TCF4: variants seen among roughly 807,000 people sequenced by gnomAD.
The protein encoded by TCF4 is SL3-3 enhancer factor 2.
Under a neutral mutation model 82.1 loss-of-function variants are expected in TCF4, and 3 were observed. That is an observed-to-expected ratio of 0.04 (90% CI 0.02 to 0.09). The LOEUF (loss-of-function observed/expected upper bound fraction) is 0.09. Ranked by LOEUF, TCF4 falls within the 10% of genes least tolerant of loss-of-function variation. TCF4 has a pLI of 1.00. For missense variants in TCF4, 518 were observed against 852.7 expected (o/e 0.61, Z 4.89); for synonymous variants, 276 against 309.6 (o/e 0.89, Z 1.14).
chr18:55,599,284 C>T (rs2097694226), intron 2 of TCF4, among the ~76,000 whole-genome samples: 1 of 152,214 alleles, frequency 6.6e-6, no homozygotes, highest in Non-Finnish European at 1.5e-5. Flanking sequence ...TGCAGTTTCC[C>T]TGTGCAGGTT....
At chr18:55,437,526 GGT>G (rs1483563919) in intron 5 of TCF4, among the ~76,000 whole-genome samples, 1 of 152,112 alleles carries the variant, frequency 6.6e-6, no homozygotes, top group Admixed American at 6.5e-5. Context: ...GTGCTAAGTA[GGT>G]GATGATTCAC....
intron 3 of TCF4, among the ~76,000 whole-genome samples, chr18:55,579,381 T>G (rs1015039054): frequency 6.6e-6 from 1 of 151,800 alleles, no homozygotes; most frequent in African/African-American, 2.4e-5. Context: ...TATTTTACAT[T>G]TTCTAATACT....
intron 5 of TCF4, among the ~76,000 whole-genome samples, chr18:55,420,448 A>G (rs1377785399): frequency 3.9e-5 from 6 of 152,190 alleles, no homozygotes; most frequent in African/African-American, 1.4e-4. Flanking sequence ...TTTTGGAAAT[A>G]ATGGGATTCC....
chr18:55,296,318 G>A (rs1386348816), intron 8 of TCF4, among the ~76,000 whole-genome samples: 1 of 152,142 alleles, frequency 6.6e-6, no homozygotes, highest in East Asian at 1.9e-4. Context: ...TAAATTCCCT[G>A]TGTTCTGCTC....
intron 3 of TCF4, among the ~76,000 whole-genome samples, chr18:55,514,143 C>G (rs1403281559): frequency 6.6e-6 from 1 of 152,150 alleles, no homozygotes; most frequent in Non-Finnish European, 1.5e-5. Flanking sequence ...TATCTTCCAT[C>G]TCTTCTCAGA....
At chr18:55,284,361 G>A (rs1407891579) in intron 8 of TCF4, 8 of 151,692 alleles carry the variant, frequency 5.3e-5, no homozygotes, top group Non-Finnish European at 1.0e-4. Flanking sequence ...GCAGTGAGCC[G>A]AGATCGTGCC....
In TCF4 at chr18:55,370,148, G is replaced by A. The variant is rs185234025; in HGVS notation, c.370-19145C>T. On this transcript the variant is annotated intron_variant, in intron 6 of 19. Coordinates refer to ENST00000354452, the MANE Select transcript of TCF4 (RefSeq NM_001083962.2). ...CGCAATGGCTCATGCCTGTAATCCC[G>A]GCACTTTGCGGGGCTGAGGCAGGAG... Among the ~76,000 whole-genome samples the A allele has an allele frequency of 7.9e-5, 12 of 152,270 alleles. No homozygotes were observed. In the East Asian group the frequency reaches 2.1e-3, roughly 27 times the overall value.
At chr18:55,552,258 A>G (rs2097266539) in intron 3 of TCF4, among the ~76,000 whole-genome samples, 1 of 152,220 alleles carries the variant, frequency 6.6e-6, no homozygotes, top group Admixed American at 6.5e-5. Flanking sequence ...TGGCTGAAAT[A>G]GAACTAAATT....
At chr18:55,549,853 C>T (rs1568374843) in intron 3 of TCF4, among the ~76,000 whole-genome samples, 2 of 152,162 alleles carry the variant, frequency 1.3e-5, no homozygotes, top group African/African-American at 4.8e-5. Context: ...CACCACTGAC[C>T]GAAACGCCAT....
intron 14 of TCF4, among the ~76,000 whole-genome samples, chr18:55,256,060 G>A (rs1015231253): frequency 7.2e-5 from 11 of 152,166 alleles, no homozygotes; most frequent in African/African-American, 2.7e-4. Flanking sequence ...ACCTCTTGGA[G>A]TGCATGCTTT....
chr18:55,367,567 T>G (rs2087559717), intron 6 of TCF4, among the ~76,000 whole-genome samples: 1 of 152,218 alleles, frequency 6.6e-6, no homozygotes, highest in Admixed American at 6.5e-5. Flanking sequence ...ATAAGGTAAT[T>G]TCTTCCATAA....
At chr18:55,368,599 C>T (rs2087953024) in intron 6 of TCF4, among the ~76,000 whole-genome samples, 1 of 152,176 alleles carries the variant, frequency 6.6e-6, no homozygotes, top group South Asian at 2.1e-4. Context: ...ATGGGTTAGA[C>T]AAGCTTGCCC....
chr18:55,248,061 T>C (rs2053854758), intron 15 of TCF4, among the ~76,000 whole-genome samples: 1 of 152,148 alleles, frequency 6.6e-6, no homozygotes, highest in African/African-American at 2.4e-5. Flanking sequence ...TGAGAGTCCA[T>C]GGGAATAACT....
chr18:55,510,430 C>T, intron 3 of TCF4: 3 of 483,660 alleles, frequency 6.2e-6, no homozygotes, highest in Non-Finnish European at 1.0e-5. Context: ...AAACCAAAAT[C>T]CTGAACCATG....
chr18:55,559,441 A>G (rs188293874), intron 3 of TCF4, among the ~76,000 whole-genome samples: 2 of 152,290 alleles, frequency 1.3e-5, no homozygotes, highest in Admixed American at 1.3e-4. Flanking sequence ...AAACCGAATC[A>G]TGATAATGTT....
intron 2 of TCF4, among the ~76,000 whole-genome samples, chr18:55,630,831 G>A (rs2097730845): frequency 6.6e-6 from 1 of 152,164 alleles, no homozygotes; most frequent in South Asian, 2.1e-4. Flanking sequence ...TTTTCTGTAG[G>A]ATGAGTGGTG....
chr18:55,352,648 C>T (rs1052462375), intron 6 of TCF4, among the ~76,000 whole-genome samples: 2 of 152,132 alleles, frequency 1.3e-5, no homozygotes, highest in Non-Finnish European at 2.9e-5. Flanking sequence ...ACTATTGCCT[C>T]TTTTGAACTT....
At chr18:55,540,371 A>G (rs2097155455) in intron 3 of TCF4, among the ~76,000 whole-genome samples, 1 of 152,122 alleles carries the variant, frequency 6.6e-6, no homozygotes, top group Non-Finnish European at 1.5e-5. Flanking sequence ...AGAGTAAATG[A>G]CTGTTCACTA....
chr18:55,255,113 A>T (rs1007411811), intron 14 of TCF4, among the ~76,000 whole-genome samples: 2 of 152,158 alleles, frequency 1.3e-5, no homozygotes, highest in Admixed American at 6.5e-5. Context: ...TTCTTAATTA[A>T]ATTCTTTTCC....
Sources: gnomAD v4.1 joint callset for allele counts (sites outside exome capture counted in the v4.1 genomes callset) on GRCh38, gnomAD v4.1.1 for gene constraint, MANE v1.5 for transcripts, NCBI Gene and HGNC (gene_info 2026-07-23, HGNC 2026-07-21) for gene names.